ZNF804B: variants seen among roughly 807,000 people sequenced by gnomAD.
ZNF804B encodes zinc finger protein 804B, also known as zinc finger 804B.
In ZNF804B, 80 loss-of-function variants were observed where a neutral mutation model predicts 101.4. The observed-to-expected ratio is 0.79, with a 90% CI of 0.66 to 0.95. The LOEUF (loss-of-function observed/expected upper bound fraction) is 0.95. Among genes scored for constraint, ZNF804B ranks in the 40% least tolerant of loss-of-function variants. The probability of loss-of-function intolerance (pLI) is 0.00; values close to 1 mark genes in which losing one functional copy is unlikely to be tolerated. For synonymous variants in ZNF804B, 622 were observed against 558.8 expected (o/e 1.11, Z -1.59); for missense variants, 1,673 against 1,561.9 (o/e 1.07, Z -1.20).
chr7:89,201,604 C>T (rs894102793), intron 1 of ZNF804B, among the ~76,000 whole-genome samples: 1 of 152,014 alleles, frequency 6.6e-6, no homozygotes, highest in Non-Finnish European at 1.5e-5. Flanking sequence ...ATCATAACTA[C>T]TACCTAAGCT....
At chr7:88,908,112 A>C (rs1400153699) in intron 1 of ZNF804B, among the ~76,000 whole-genome samples, 1 of 151,878 alleles carries the variant, frequency 6.6e-6, no homozygotes, top group African/African-American at 2.4e-5. Flanking sequence ...ACGATAAAGT[A>C]ATTACAATCT....
chr7:89,010,435 G>A (rs1277447721), intron 1 of ZNF804B, among the ~76,000 whole-genome samples: 3 of 152,090 alleles, frequency 2.0e-5, no homozygotes, highest in Non-Finnish European at 2.9e-5. Flanking sequence ...TAGTAGAGAG[G>A]TTCTCTCTTT....
intron 1 of ZNF804B, among the ~76,000 whole-genome samples, chr7:88,899,879 A>G (rs531105896): frequency 6.6e-6 from 1 of 152,240 alleles, no homozygotes; most frequent in East Asian, 1.9e-4. Context: ...TTCTTTCTAC[A>G]TTGGTAGTTT....
intron 2 of ZNF804B, among the ~76,000 whole-genome samples, chr7:89,326,934 A>G (rs1041308148): frequency 6.8e-6 from 1 of 147,708 alleles, no homozygotes; most frequent in Non-Finnish European, 1.5e-5. Context: ...TATTCCACCC[A>G]GTGTATTTAA....
intron 1 of ZNF804B, among the ~76,000 whole-genome samples, chr7:88,870,489 G>C (rs1451497061): frequency 6.6e-6 from 1 of 150,376 alleles, no homozygotes; most frequent in Non-Finnish European, 1.5e-5. Flanking sequence ...TATTTCATTA[G>C]AACTGCATCA....
intron 1 of ZNF804B, among the ~76,000 whole-genome samples, chr7:89,032,311 G>A (rs957740507): frequency 6.6e-6 from 1 of 151,128 alleles, no homozygotes. Flanking sequence ...GGGGGGACAG[G>A]ATGTGGGGTG....
chr7:89,019,877 A>T (rs1473066197), intron 1 of ZNF804B, among the ~76,000 whole-genome samples: 1 of 152,058 alleles, frequency 6.6e-6, no homozygotes, highest in Admixed American at 6.6e-5. Flanking sequence ...TGTAGACAGT[A>T]TATAATTGGG....
At chr7:89,002,805 GA>G (rs1442501428) in intron 1 of ZNF804B, among the ~76,000 whole-genome samples, 2 of 151,924 alleles carry the variant, frequency 1.3e-5, no homozygotes, top group African/African-American at 2.4e-5. Flanking sequence ...TATGTTAATG[GA>G]AAAAATGTTA....
intron 2 of ZNF804B, among the ~76,000 whole-genome samples, chr7:89,247,082 T>G (rs1789460727): frequency 6.6e-6 from 1 of 152,162 alleles, no homozygotes; most frequent in South Asian, 2.1e-4. Flanking sequence ...ATTAGGAGTT[T>G]AGGCTTCCCT....
chr7:89,018,163 GAACTTTA>G (rs1788601460), intron 1 of ZNF804B, among the ~76,000 whole-genome samples: 1 of 152,092 alleles, frequency 6.6e-6, no homozygotes, highest in African/African-American at 2.4e-5. Context: ...CATCATACAT[GAACTTTA>G]TTGTTTTGAG....
At chr7:89,002,143 CTG>C (rs1262619407) in intron 1 of ZNF804B, among the ~76,000 whole-genome samples, 2 of 150,782 alleles carry the variant, frequency 1.3e-5, no homozygotes, top group East Asian at 3.9e-4. Context: ...AACTAAAACA[CTG>C]TTAAACTAAT....
Position 89,228,390 on chromosome 7 carries a change from G to A in ZNF804B, c.249+10095G>A, listed in dbSNP as rs139717241. Among the ~76,000 whole-genome samples the A allele has an allele frequency of 6.4e-3, 972 of 152,196 alleles. 5 individuals are homozygous for A. Among genetic ancestry groups the A allele is most frequent in the Middle Eastern group, 0.031 (9 of 294 alleles). On this transcript the variant is annotated intron_variant, in intron 2 of 3. Transcript: ENST00000333190. ...CCACATCCTGCTGATTGGTAGAGCCGAGTGGTCTGTTTTAGCAGGGCGCTG... is the reference window on the plus strand; with the variant it reads ...CCACATCCTGCTGATTGGTAGAGCCAAGTGGTCTGTTTTAGCAGGGCGCTG...
chr7:89,004,447 C>CTG (rs1788340947), intron 1 of ZNF804B, among the ~76,000 whole-genome samples: 1 of 151,770 alleles, frequency 6.6e-6, no homozygotes, highest in South Asian at 2.1e-4. Context: ...TTTTATGAAG[C>CTG]TGTGGGTCTT....
At chr7:89,194,185 T>G (rs1350250741) in intron 1 of ZNF804B, among the ~76,000 whole-genome samples, 1 of 152,192 alleles carries the variant, frequency 6.6e-6, no homozygotes, top group Non-Finnish European at 1.5e-5. Context: ...GTAAATTTGT[T>G]TGAGTTCATT....
At chr7:89,301,090 T>C (rs924241662) in intron 2 of ZNF804B, among the ~76,000 whole-genome samples, 2 of 145,056 alleles carry the variant, frequency 1.4e-5, no homozygotes. Context: ...ATTGGAATTT[T>C]TCAAGCGTGT....
At chr7:89,066,223 G>A (rs1325947143) in intron 1 of ZNF804B, among the ~76,000 whole-genome samples, 2 of 146,242 alleles carry the variant, frequency 1.4e-5, no homozygotes, top group African/African-American at 5.0e-5. Flanking sequence ...GTCACAGCGT[G>A]TATTTTTAAG....
chr7:89,221,563 A>C (rs1192510910), intron 2 of ZNF804B, among the ~76,000 whole-genome samples: 1 of 151,940 alleles, frequency 6.6e-6, no homozygotes, highest in African/African-American at 2.4e-5. Context: ...AATCTTCCAT[A>C]TCAGGTCTGC....
intron 3 of ZNF804B, among the ~76,000 whole-genome samples, chr7:89,329,339 G>A (rs1790943559): frequency 1.3e-5 from 2 of 151,740 alleles, no homozygotes; most frequent in South Asian, 4.1e-4. Context: ...ACTCATGGTT[G>A]AAGGAAAGTC....
At chr7:89,065,244 G>T (rs1789441476) in intron 1 of ZNF804B, among the ~76,000 whole-genome samples, 1 of 152,114 alleles carries the variant, frequency 6.6e-6, no homozygotes, top group Admixed American at 6.6e-5. Flanking sequence ...TCATTCAGTG[G>T]TATTACCACT....
Sources: gnomAD v4.1 joint callset for allele counts (sites outside exome capture counted in the v4.1 genomes callset) on GRCh38, gnomAD v4.1.1 for gene constraint, MANE v1.5 for transcripts, NCBI Gene and HGNC (gene_info 2026-07-23, HGNC 2026-07-21) for gene names.